RAB5IF: variants seen among roughly 807,000 people sequenced by gnomAD.
The protein encoded by RAB5IF is RAB5 interacting factor.
Under a neutral mutation model 20.3 loss-of-function variants are expected in RAB5IF, and 15 were observed. The observed-to-expected ratio is 0.74, with a 90% CI of 0.50 to 1.14. The LOEUF (loss-of-function observed/expected upper bound fraction) is 1.14, where lower values mean the gene tolerates loss of function less well. Ranked by LOEUF, RAB5IF falls within the 50% of genes most tolerant of loss-of-function variation. The pLI is 0.00. For synonymous variants in RAB5IF, 67 were observed against 63.7 expected, an observed-to-expected ratio of 1.05 and a Z score of -0.25; for missense variants, 148 against 159.5, an observed-to-expected ratio of 0.93 and a Z score of 0.39.
At chr20:36,607,282 A>G (rs2147955811) in intron 1 of RAB5IF, among the ~76,000 whole-genome samples, 1 of 134,912 alleles carries the variant, frequency 7.4e-6, no homozygotes. Context: ...TTTTTTTGAG[A>G]CGGAGTTTCA....
At chr20:36,610,321 A>G (rs761986771) in intron 3 of RAB5IF, among the ~76,000 whole-genome samples, 16 of 152,248 alleles carry the variant, frequency 1.1e-4, no homozygotes, top group East Asian at 3.9e-4. Context: ...ATAATAGCTA[A>G]AAAGTACAAA....
At chr20:36,607,961 A>T (rs1038605293) in intron 2 of RAB5IF, 143 bp downstream of exon 2, 9 of 1,507,634 alleles carry the variant, frequency 6.0e-6, no homozygotes, top group Non-Finnish European at 7.1e-6. Flanking sequence ...CTACAGTGGC[A>T]CTCCTGGGTC....
chr20:36,609,184 C>CTATATT (rs2039021550), intron 2 of RAB5IF, among the ~76,000 whole-genome samples: 1 of 43,652 alleles, frequency 2.3e-5, no homozygotes, highest in Non-Finnish European at 4.4e-5. Context: ...CACACACACA[C>CTATATT]ACACACACAC....
chr20:36,607,311 C>A (rs1431530456), intron 1 of RAB5IF, among the ~76,000 whole-genome samples: 1 of 150,064 alleles, frequency 6.7e-6, no homozygotes, highest in Admixed American at 6.6e-5. Flanking sequence ...GCCCTGCAAC[C>A]TCCACCTCCC....
rs1440297079 is a variant in RAB5IF, at chr20:36,612,199, G to C, written c.*148G>C. 1.9e-6 allele frequency: 3 copies of C among 1,614,078 alleles called. No individual in the cohort carries two copies. The highest frequency in any genetic ancestry group is 2.5e-6 in the Non-Finnish European group (3 of 1,180,062). On this transcript the variant is annotated 3_prime_UTR_variant, in exon 4 of 4. Coordinates refer to ENST00000344795, the MANE Select transcript of RAB5IF (RefSeq NM_018840.5). ...GCGAATCAGTGTGTTGGGCATCAGTGTTTTCTGCAAGGGTTGTGACCTGAA... is the reference window on the plus strand; with the variant it reads ...GCGAATCAGTGTGTTGGGCATCAGTCTTTTCTGCAAGGGTTGTGACCTGAA...
In RAB5IF at chr20:36,608,417, A is replaced by T. The variant is rs192372829; in HGVS notation, c.218+599A>T. Among the ~76,000 whole-genome samples the T allele has an allele frequency of 3.0e-3, 462 of 151,940 alleles. 2 individuals carry two copies. The highest frequency in any genetic ancestry group is 0.011 in the African/African-American group (445 of 41,432). On this transcript the variant is annotated intron_variant, in intron 2 of 3. Coordinates refer to ENST00000344795, the MANE Select transcript of RAB5IF (RefSeq NM_018840.5). ...GAGCCACCACACCTGGCTAATTTTT[A>T]AAAATTTTGTAGAGACAAGGTTTCT...
At chr20:36,609,180 C>CAGAACTATATTACATACATACAT (rs1568595361) in intron 2 of RAB5IF, among the ~76,000 whole-genome samples, 4 of 35,398 alleles carry the variant, frequency 1.1e-4, no homozygotes, top group Admixed American at 5.9e-4. Context: ...CACACACACA[C>CAGAACTATATTACATACATACAT]ACACACACAC....
intron 3 of RAB5IF, 174 bp downstream of exon 3, chr20:36,609,904 G>GAT: frequency 9.3e-7 from 1 of 1,080,702 alleles, no homozygotes; most frequent in East Asian, 2.4e-5. Context: ...GATGTGGTCT[G>GAT]ATATACTGTA....
chr20:36,606,885 T>G (rs912121415), intron 1 of RAB5IF, among the ~76,000 whole-genome samples: 5 of 152,220 alleles, frequency 3.3e-5, no homozygotes, highest in Non-Finnish European at 5.9e-5. Context: ...CGAAGTGGAT[T>G]TTCCTTCCTG....
intron 3 of RAB5IF, among the ~76,000 whole-genome samples, chr20:36,611,711 T>C (rs1346332348): frequency 6.6e-6 from 1 of 152,110 alleles, no homozygotes; most frequent in East Asian, 1.9e-4. Flanking sequence ...CTGCTAGCAG[T>C]GTAATATGCT....
intron 3 of RAB5IF, 160 bp downstream of exon 3, chr20:36,609,890 A>G: frequency 7.9e-7 from 1 of 1,257,922 alleles, no homozygotes; most frequent in Non-Finnish European, 1.1e-6. Context: ...GCCACATCCC[A>G]GAAGATGTGG....
rs143205312 is a variant in RAB5IF at position 36,610,018 on chromosome 20, C to T, written c.348+288C>T. On this transcript the variant is annotated intron_variant, in intron 3 of 3. Coordinates refer to ENST00000344795, the MANE Select transcript of RAB5IF (RefSeq NM_018840.5). ...ACTAGGAGGGCTGAGCATGGTGGCTCACGCCTGTAATCCCAGCATTTTGGG... is the reference window on the plus strand; with the variant it reads ...ACTAGGAGGGCTGAGCATGGTGGCTTACGCCTGTAATCCCAGCATTTTGGG... 7.3e-3 allele frequency among the ~76,000 whole-genome samples: 1,114 copies of T among 152,312 alleles called. 11 individuals carry two copies. The highest frequency in any genetic ancestry group is 0.026 in the African/African-American group (1,067 of 41,568).
At chr20:36,606,264 A>G (rs1836276141) in intron 1 of RAB5IF, among the ~76,000 whole-genome samples, 199 bp downstream of exon 1, 1 of 152,156 alleles carries the variant, frequency 6.6e-6, no homozygotes, top group African/African-American at 2.4e-5. Context: ...AGGGTGGCCT[A>G]AGGATGAAGC....
chr20:36,609,739 A>G lies in RAB5IF; in HGVS notation c.348+9A>G. 3.7e-6 allele frequency: 6 copies of G among 1,614,138 alleles called. No homozygotes were observed. In the South Asian group the frequency reaches 5.5e-5, roughly 15 times the overall value. ...CTTTTGCCTTGTTCATGGTATGTGT[A>G]GCTGATAGTTTTACAACAGGTACTG... On this transcript the variant is annotated intron_variant, in intron 3 of 3. Coordinates refer to ENST00000344795, the MANE Select transcript of RAB5IF (RefSeq NM_018840.5).
chr20:36,611,145 A>G (rs568212460), intron 3 of RAB5IF, among the ~76,000 whole-genome samples: 101 of 152,108 alleles, frequency 6.6e-4, no homozygotes, highest in Non-Finnish European at 1.2e-3. Flanking sequence ...GTGAGCCACC[A>G]TGCCCGGATA....
Position 36,605,985 on chromosome 20 carries a change from C to G in RAB5IF, c.34C>G (p.Gln12Glu), listed in dbSNP as rs761819759. ...CGGGCGGCGGAAGGAGGAGCCGCCT[C>G]AGCCGCAGCTGGCCAACGGGGCCCT... ...SGGRRKEEPP[Q>E]PQLANGALKV... The change falls in exon 1 of 4, where the codon CAG (glutamine) becomes GAG (glutamate). Residue 12 changes from glutamine to glutamate, a missense_variant. Gln to Glu is a conservative substitution (Grantham distance 29). Transcript: ENST00000344795. The G allele has an allele frequency of 2.6e-6, 4 of 1,522,170 alleles. No individual in the cohort carries two copies. In the South Asian group the frequency reaches 3.7e-5, roughly 14 times the overall value. The allele number at this position is 1,522,170 out of a possible 1,614,324, so 94.3% of individuals were successfully genotyped here.
intron 2 of RAB5IF, among the ~76,000 whole-genome samples, chr20:36,609,156 TACACACACAC>T (rs765034845): frequency 2.9e-4 from 5 of 17,052 alleles, no homozygotes; most frequent in South Asian, 2.3e-3. Context: ...AGAACTATAT[TACACACACAC>T]ACACACACAC....
Position 36,612,483 on chromosome 20 carries a change from C to T in RAB5IF, c.*432C>T. ...TATGTGCGTGGTCCATAGCACAGTA[C>T]ATGCAGCATCTAATAAGAGTTTCCA... On this transcript the variant is annotated 3_prime_UTR_variant, in exon 4 of 4. Coordinates refer to ENST00000344795, the MANE Select transcript of RAB5IF (RefSeq NM_018840.5). The T allele has an allele frequency of 1.9e-6, 1 of 521,308 alleles. No homozygotes were observed. The highest frequency in any genetic ancestry group is 3.5e-6 in the Non-Finnish European group (1 of 288,344). 32.3% of individuals were successfully genotyped at this position (521,308 alleles called of 1,614,324 possible).
chr20:36,606,049 C>T lies in RAB5IF; in HGVS notation c.98C>T (p.Ala33Val). The change falls in exon 1 of 4, where the codon GCG becomes GTG. Residue 33 changes from alanine to valine, a missense_variant. Transcript: ENST00000344795. ...SVWSKVLRSD[A>V]AWEDKDEFLD... ...TGGAGTAAGGTGCTGCGGAGCGACG[C>T]GGCCTGGGAGGATAAGGTACGGTGG... 6.6e-7 allele frequency: 1 copy of T among 1,512,500 alleles called. No individual in the cohort carries two copies. Among genetic ancestry groups the T allele is most frequent in the South Asian group, 1.3e-5 (1 of 79,976 alleles). 93.7% of individuals were successfully genotyped at this position (1,512,500 alleles called of 1,614,324 possible).
Sources: gnomAD v4.1 joint callset for allele counts (sites outside exome capture counted in the v4.1 genomes callset) on GRCh38, gnomAD v4.1.1 for gene constraint, MANE v1.5 for transcripts, NCBI Gene and HGNC (gene_info 2026-07-23, HGNC 2026-07-21) for gene names.